The following GLRA2 variants were observed in gnomAD, a reference collection of about 807,000 sequenced individuals.
GLRA2 encodes glycine receptor alpha 2, also known as glycine receptor subunit alpha-2.
In GLRA2, 11 loss-of-function variants were observed where a neutral mutation model predicts 31.6. The ratio of observed to expected loss-of-function variants is 0.35; its 90% confidence interval spans 0.22 to 0.58. The LOEUF (loss-of-function observed/expected upper bound fraction) is 0.58, where lower values mean the gene tolerates loss of function less well. GLRA2 is among the 20% of genes least tolerant of loss of function. GLRA2 has a pLI of 0.84. For synonymous variants in GLRA2, 132 were observed against 134.0 expected, an observed-to-expected ratio of 0.99 and a Z score of 0.10; for missense variants, 212 against 351.8, an observed-to-expected ratio of 0.60 and a Z score of 3.18.
At chrX:14,629,782 T>C (rs1196218797) in intron 7 of GLRA2, among the ~76,000 whole-genome samples, 1 of 111,764 alleles carries the variant, frequency 8.9e-6, no homozygotes, top group Non-Finnish European at 1.9e-5. Flanking sequence ...ATAGTACATA[T>C]ATTTTACTTA....
chrX:14,707,722 T>G (rs1362379120), intron 8 of GLRA2, among the ~76,000 whole-genome samples: 1 of 107,491 alleles, frequency 9.3e-6, no homozygotes, highest in Non-Finnish European at 1.9e-5. Context: ...TGGTTAGTAA[T>G]GGAAAATATG....
intron 7 of GLRA2, among the ~76,000 whole-genome samples, chrX:14,687,209 C>T (rs892608606): frequency 3.6e-5 from 4 of 111,951 alleles, no homozygotes; most frequent in African/African-American, 1.3e-4. Flanking sequence ...GTGGGTAACC[C>T]GACCTTTCTC....
chrX:14,703,740 A>G (rs2091580974), intron 8 of GLRA2, among the ~76,000 whole-genome samples: 1 of 111,705 alleles, frequency 9.0e-6, no homozygotes, highest in African/African-American at 3.3e-5. Context: ...CCCTCAACCA[A>G]TGAGAACTGG....
intron 2 of GLRA2, among the ~76,000 whole-genome samples, chrX:14,538,277 A>G (rs2089353606): frequency 9.0e-6 from 1 of 110,685 alleles, no homozygotes; most frequent in Admixed American, 9.6e-5. Flanking sequence ...GCCTTTACCT[A>G]CCTCACTTGG....
intron 7 of GLRA2, among the ~76,000 whole-genome samples, chrX:14,645,681 C>T (rs1018779946): frequency 3.5e-4 from 39 of 112,123 alleles, no homozygotes; most frequent in Non-Finnish European, 5.4e-4. Context: ...CCACAGCTTT[C>T]GGTGGAGTCC....
chrX:14,574,205 A>G, intron 2 of GLRA2, 128 bp from the exon 3 acceptor site: 1 of 495,244 alleles, frequency 2.0e-6, no homozygotes, highest in Non-Finnish European at 3.6e-6. Context: ...ACCTCAGGGT[A>G]AAACTTTTTT....
At chrX:14,507,002 C>A in the GLRA2 span, among the ~76,000 whole-genome samples, 1 of 111,662 alleles carries the variant, frequency 9.0e-6, no homozygotes, top group Non-Finnish European at 1.9e-5. Flanking sequence ...AAGGAAAAAT[C>A]TTTATTTGAG....
At chrX:14,613,295 A>C (rs750430388) in intron 7 of GLRA2, among the ~76,000 whole-genome samples, 1 of 111,591 alleles carries the variant, frequency 9.0e-6, no homozygotes, top group Admixed American at 9.5e-5. Flanking sequence ...GGCCTTATGA[A>C]TAGAAGATGT....
chrX:14,563,237 A>G (rs1212735999), intron 2 of GLRA2, among the ~76,000 whole-genome samples: 1 of 112,399 alleles, frequency 8.9e-6, no homozygotes, highest in Non-Finnish European at 1.9e-5. Context: ...CATAGAGCCA[A>G]TCTGCAAAGA....
At chrX:14,527,090 C>T (rs1359821974), upstream of GLRA2, among the ~76,000 whole-genome samples, 1 of 111,539 alleles carries the variant, frequency 9.0e-6, no homozygotes, top group Non-Finnish European at 1.9e-5. Context: ...GACTTAGTTA[C>T]AAGAAATTCA....
chrX:14,682,654 ACT>A (rs1009231450), intron 7 of GLRA2, among the ~76,000 whole-genome samples: 1 of 108,807 alleles, frequency 9.2e-6, no homozygotes, highest in Non-Finnish European at 1.9e-5. Context: ...GCACCCGATA[ACT>A]CATCATTTAC....
chrX:14,524,577 C>T (rs755529938), upstream of GLRA2, among the ~76,000 whole-genome samples: 6 of 111,781 alleles, frequency 5.4e-5, no homozygotes, highest in South Asian at 1.1e-3. Context: ...TTCATATTTT[C>T]AAGTGGAGGA....
intron 8 of GLRA2, among the ~76,000 whole-genome samples, chrX:14,707,811 CTT>C (rs780696584): frequency 5.4e-4 from 59 of 109,901 alleles, no homozygotes; most frequent in African/African-American, 1.6e-3. Flanking sequence ...AGATGACAGT[CTT>C]TATTTTTTTT....
intron 2 of GLRA2, among the ~76,000 whole-genome samples, chrX:14,568,543 A>G (rs1395449648): frequency 9.2e-6 from 1 of 108,691 alleles, no homozygotes; most frequent in Non-Finnish European, 1.9e-5. Flanking sequence ...AAATACAAAA[A>G]TTAGCCGGGC....
chrX:14,721,111 A>T lies in GLRA2; in HGVS notation c.1081-9096A>T, dbSNP rs186107944. ...CTTCCAGCCTTGGTGACAGAGTGTG[A>T]CCCTGTCTCAAAAAAAAAAAAAAAA... On this transcript the variant is annotated intron_variant, in intron 8 of 8. Transcript: ENST00000218075. 5.9e-4 allele frequency among the ~76,000 whole-genome samples: 45 copies of T among 76,372 alleles called. No individual in the cohort carries two copies. The East Asian group carries it at 0.015, about 25-fold the overall frequency. The allele number at this position is 76,372 out of a possible 115,157, so 66.3% of individuals were successfully genotyped here.
intron 3 of GLRA2, 92 bp downstream of exon 3, chrX:14,574,492 G>A: frequency 8.3e-7 from 1 of 1,199,273 alleles, no homozygotes; most frequent in Middle Eastern, 2.3e-4. Context: ...CAACTTGCAG[G>A]GCCTCCTGTA....
chrX:14,493,622 CACATATAT>C, the GLRA2 span, among the ~76,000 whole-genome samples: 30 of 96,180 alleles, frequency 3.1e-4, no homozygotes, highest in East Asian at 1.2e-3. Context: ...CACATATATA[CACATATAT>C]ACATATATAC....
At chrX:14,638,456 AATTTT>A (rs1481047655) in intron 7 of GLRA2, among the ~76,000 whole-genome samples, 8 of 111,533 alleles carry the variant, frequency 7.2e-5, no homozygotes, top group Non-Finnish European at 1.3e-4. Context: ...ACTAATGAGG[AATTTT>A]ATTTTGTTAT....
intron 8 of GLRA2, among the ~76,000 whole-genome samples, chrX:14,704,820 A>AT (rs1421457741): frequency 8.9e-6 from 1 of 112,187 alleles, no homozygotes; most frequent in African/African-American, 3.2e-5. Flanking sequence ...TAAGGGGCAG[A>AT]TAAAAAAAAC....
Sources: gnomAD v4.1 joint callset for allele counts (sites outside exome capture counted in the v4.1 genomes callset) on GRCh38, gnomAD v4.1.1 for gene constraint, MANE v1.5 for transcripts, NCBI Gene and HGNC (gene_info 2026-07-23, HGNC 2026-07-21) for gene names.